WWTR1: variants seen among roughly 807,000 people sequenced by gnomAD.
WWTR1 encodes the protein WW domain-containing transcription regulator protein 1.
Under a neutral mutation model 40.1 loss-of-function variants are expected in WWTR1, and 13 were observed. The ratio of observed to expected loss-of-function variants is 0.32; its 90% CI spans 0.21 to 0.52. The LOEUF is 0.52. Among genes scored for constraint, WWTR1 ranks in the 20% least tolerant of loss-of-function variants. The probability of loss-of-function intolerance (pLI) is 0.97; values close to 1 mark genes in which losing one functional copy is unlikely to be tolerated. For synonymous variants in WWTR1, 230 were observed against 210.1 expected, an observed-to-expected ratio of 1.09 and a Z score of -0.82; for missense variants, 436 against 523.1, an observed-to-expected ratio of 0.83 and a Z score of 1.63.
chr3:149,648,354 G>C (rs957946876), intron 2 of WWTR1, among the ~76,000 whole-genome samples: 1 of 152,076 alleles, frequency 6.6e-6, no homozygotes, highest in Non-Finnish European at 1.5e-5. Flanking sequence ...CTGTGCTCAA[G>C]TTAAGCAATG....
chr3:149,689,110 G>C (rs1441861070), intron 1 of WWTR1, among the ~76,000 whole-genome samples: 2 of 152,072 alleles, frequency 1.3e-5, no homozygotes, highest in Non-Finnish European at 2.9e-5. Context: ...TGCTTGGAGT[G>C]GTGGCTCATG....
intron 2 of WWTR1, among the ~76,000 whole-genome samples, chr3:149,609,422 T>A (rs1371252805): frequency 6.6e-6 from 1 of 152,276 alleles, no homozygotes; most frequent in African/African-American, 2.4e-5. Context: ...ACCCACTACC[T>A]GTTTTTGTAC....
intron 4 of WWTR1, among the ~76,000 whole-genome samples, chr3:149,535,900 C>G (rs1735810021): frequency 6.6e-6 from 1 of 152,072 alleles, no homozygotes. Context: ...GTAATCCCAG[C>G]TACTCAGGAG....
At chr3:149,600,088 G>T (rs140657931) in intron 2 of WWTR1, among the ~76,000 whole-genome samples, 2 of 152,182 alleles carry the variant, frequency 1.3e-5, no homozygotes. Context: ...GAGAGGATGT[G>T]TATAGGCTTT....
intron 2 of WWTR1, among the ~76,000 whole-genome samples, chr3:149,642,625 A>C (rs1437068140): frequency 6.6e-6 from 1 of 151,740 alleles, no homozygotes; most frequent in Non-Finnish European, 1.5e-5. Context: ...AATACAAAAA[A>C]TTAGCCAGGC....
intron 3 of WWTR1, among the ~76,000 whole-genome samples, chr3:149,558,205 GT>G (rs1451433405): frequency 1.3e-5 from 2 of 151,746 alleles, no homozygotes; most frequent in Non-Finnish European, 2.9e-5. Context: ...GGAGAAATGG[GT>G]TTTTTGTGGT....
intron 2 of WWTR1, among the ~76,000 whole-genome samples, chr3:149,603,112 G>T (rs1374862477): frequency 2.0e-5 from 3 of 152,130 alleles, no homozygotes; most frequent in African/African-American, 7.2e-5. Flanking sequence ...CTGATAAGAG[G>T]AGACTCTAAA....
chr3:149,674,056 C>CA (rs71138404), intron 1 of WWTR1, among the ~76,000 whole-genome samples: 97 of 121,816 alleles, frequency 8.0e-4, no homozygotes, highest in East Asian at 1.0e-3. Flanking sequence ...CTCGTCTCTA[C>CA]AAAAAAAAAA....
chr3:149,595,285 G>T (rs1254828201), intron 2 of WWTR1, among the ~76,000 whole-genome samples: 2 of 151,622 alleles, frequency 1.3e-5, no homozygotes, highest in African/African-American at 4.8e-5. Flanking sequence ...TTTGGAAAAA[G>T]GTTAACAATT....
At chr3:149,671,490 T>G (rs1714088324) in intron 1 of WWTR1, among the ~76,000 whole-genome samples, 1 of 152,220 alleles carries the variant, frequency 6.6e-6, no homozygotes, top group African/African-American at 2.4e-5. Flanking sequence ...CAGAATGTTT[T>G]AAAACCATGT....
chr3:149,694,754 G>C (rs1714927773), intron 1 of WWTR1, among the ~76,000 whole-genome samples: 1 of 152,196 alleles, frequency 6.6e-6, no homozygotes, highest in South Asian at 2.1e-4. Flanking sequence ...AGAACAGTAT[G>C]GTGGTGTCTC....
At chr3:149,667,525 G>A (rs970659351) in intron 2 of WWTR1, among the ~76,000 whole-genome samples, 1 of 149,046 alleles carries the variant, frequency 6.7e-6, no homozygotes, top group Admixed American at 6.8e-5. Context: ...TCCAGCCTGG[G>A]CGACAGAGCA....
chr3:149,527,620 C>T (rs952262591), intron 5 of WWTR1, among the ~76,000 whole-genome samples: 1 of 152,144 alleles, frequency 6.6e-6, no homozygotes, highest in Non-Finnish European at 1.5e-5. Context: ...GTTTACTCTA[C>T]GTCCTATCAC....
chr3:149,527,893 G>A lies in WWTR1; in HGVS notation c.848C>T (p.Thr283Met), dbSNP rs746387674. The A allele has an allele frequency of 2.7e-5, 43 of 1,614,040 alleles. No homozygotes were observed. In the East Asian group the frequency reaches 3.3e-4, roughly 13 times the overall value. The change falls in exon 5 of 7, where the codon ACG becomes ATG. Residue 283 changes from threonine (T) to methionine (M), a missense_variant. Physicochemically the swap from Thr to Met is moderately conservative, Grantham distance 81. Transcript: ENST00000360632. ...APVQAAVNPP[T>M]MTPDMRSITN... ...GATGGATCTCATGTCTGGGGTCATCGTGGGTGGGTTGACAGCAGCCTGAAC... is the reference window on the plus strand; with the variant it reads ...GATGGATCTCATGTCTGGGGTCATCATGGGTGGGTTGACAGCAGCCTGAAC...
chr3:149,530,602 T>C (rs1735528191), intron 4 of WWTR1, among the ~76,000 whole-genome samples: 1 of 151,644 alleles, frequency 6.6e-6, no homozygotes, highest in Non-Finnish European at 1.5e-5. Context: ...CATAAAATAA[T>C]GCTTGTGTGT....
chr3:149,531,312 G>T (rs979652499), intron 4 of WWTR1, among the ~76,000 whole-genome samples: 1 of 152,178 alleles, frequency 6.6e-6, no homozygotes, highest in Non-Finnish European at 1.5e-5. Flanking sequence ...CTTTGTCTAA[G>T]ATTATTCCAA....
At chr3:149,643,873 C>T (rs115369732) in intron 2 of WWTR1, among the ~76,000 whole-genome samples, 161 of 152,220 alleles carry the variant, frequency 1.1e-3, no homozygotes, top group African/African-American at 3.6e-3. Context: ...CTGGCTTCCA[C>T]GCACCACTCT....
chr3:149,638,068 T>C (rs146022862), intron 2 of WWTR1, among the ~76,000 whole-genome samples: 2,332 of 152,086 alleles, frequency 0.015, 40 homozygotes, highest in East Asian at 0.089. Flanking sequence ...ACAAAAAAAT[T>C]AGCCAGGCGT....
At chr3:149,678,558 C>G (rs541005309) in intron 1 of WWTR1, among the ~76,000 whole-genome samples, 1 of 152,320 alleles carries the variant, frequency 6.6e-6, no homozygotes, top group East Asian at 1.9e-4. Context: ...ATCCCACACT[C>G]TGGAGCCCTT....
Sources: allele counts gnomAD v4.1 joint callset (sites outside exome capture counted in the v4.1 genomes callset), GRCh38; gene constraint gnomAD v4.1.1; transcripts MANE v1.5; gene names NCBI Gene and HGNC (gene_info 2026-07-23, HGNC 2026-07-21).